Variants in TMEM74 observed in about 807,000 individuals in gnomAD.
The protein encoded by TMEM74 is transmembrane protein 74.
In TMEM74, 13 loss-of-function variants were observed where a neutral mutation model predicts 18.1. The observed-to-expected ratio is 0.72, with a 90% confidence interval of 0.47 to 1.14. The LOEUF (loss-of-function observed/expected upper bound fraction) is 1.14, where lower values mean the gene tolerates loss of function less well. TMEM74 is among the 50% of genes most tolerant of loss of function. The pLI is 0.00. For missense variants in TMEM74, 372 were observed against 375.9 expected, an observed-to-expected ratio of 0.99 and a Z score of 0.09; for synonymous variants, 159 against 146.6, an observed-to-expected ratio of 1.08 and a Z score of -0.61.
At chr8:108,769,338 A>G (rs370118011) in intron 1 of TMEM74, among the ~76,000 whole-genome samples, 1 of 151,982 alleles carries the variant, frequency 6.6e-6, no homozygotes, top group Admixed American at 6.6e-5. Context: ...CACACACACA[A>G]AAAAAGTCAC....
chr8:108,649,601 C>T (rs1812752907), intron 2 of TMEM74, among the ~76,000 whole-genome samples: 1 of 152,106 alleles, frequency 6.6e-6, no homozygotes, highest in Non-Finnish European at 1.5e-5. Flanking sequence ...TTTGCCATTA[C>T]TTTCAAAGGC....
chr8:108,701,987 C>T (rs1813340116), intron 1 of TMEM74, among the ~76,000 whole-genome samples: 1 of 152,050 alleles, frequency 6.6e-6, no homozygotes, highest in South Asian at 2.1e-4. Context: ...GTTAACACTA[C>T]CCAACATTAA....
chr8:108,690,393 T>G (rs1026476280), intron 1 of TMEM74, among the ~76,000 whole-genome samples: 1 of 152,174 alleles, frequency 6.6e-6, no homozygotes, highest in African/African-American at 2.4e-5. Context: ...TTGTTTGTTT[T>G]TTTTTAGTCC....
chr8:108,680,431 A>G (rs1475488896), intron 1 of TMEM74, among the ~76,000 whole-genome samples: 1 of 152,224 alleles, frequency 6.6e-6, no homozygotes, highest in Admixed American at 6.5e-5. Flanking sequence ...GATTATCTCA[A>G]TAGATGCAGA....
rs61334796 is a variant in TMEM74, at chr8:108,765,407, C to CTTTTTTTTT, written n.119+22060_119+22068dup. Among the ~76,000 whole-genome samples the CTTTTTTTTT allele has an allele frequency of 3.8e-4, 46 of 120,710 alleles. 5 individuals carry two copies. The highest frequency in any genetic ancestry group is 1.5e-3 in the East Asian group (6 of 3,944). 79.2% of individuals were successfully genotyped at this position (120,710 alleles called of 152,430 possible). On this transcript the variant is annotated intron_variant and non_coding_transcript_variant, in intron 1 of 3. Coordinates refer to the TMEM74 transcript ENST00000518838. ...CTAAGGTCTTAGCAGTTTGGAACTA[C>CTTTTTTTTT]TTTTTTTTTTTTTTTTTTAGATGGA...
intron 2 of TMEM74, among the ~76,000 whole-genome samples, chr8:108,614,312 A>G (rs1330866582): frequency 6.6e-6 from 1 of 151,974 alleles, no homozygotes; most frequent in Non-Finnish European, 1.5e-5. Context: ...TTAAATCAAT[A>G]TTTTCTTCTT....
intron 3 of TMEM74, chr8:108,607,887 A>G (rs1812291938): frequency 6.6e-6 from 1 of 152,318 alleles, no homozygotes; most frequent in African/African-American, 2.4e-5. Context: ...AATTGAATAA[A>G]ATATTCTAGT....
intron 1 of TMEM74, among the ~76,000 whole-genome samples, chr8:108,680,037 C>T (rs572727322): frequency 6.6e-6 from 1 of 152,226 alleles, no homozygotes; most frequent in East Asian, 1.9e-4. Context: ...GAAATTGTGG[C>T]AATAATCAAT....
intron 2 of TMEM74, among the ~76,000 whole-genome samples, chr8:108,609,380 G>A (rs1323154263): frequency 6.6e-6 from 1 of 152,188 alleles, no homozygotes; most frequent in African/African-American, 2.4e-5. Flanking sequence ...GGGTGTGGTG[G>A]CTCACACCTG....
At chr8:108,746,934 CT>C (rs1434655430) in intron 1 of TMEM74, among the ~76,000 whole-genome samples, 4 of 152,100 alleles carry the variant, frequency 2.6e-5, no homozygotes, top group Non-Finnish European at 5.9e-5. Flanking sequence ...TCTCTTCCAT[CT>C]GGTTGTTCCT....
chr8:108,784,783 C>T lies in TMEM74; in HGVS notation c.316G>A (p.Glu106Lys), dbSNP rs1347318290. ...ERKVCNCCSQELETSFTYVDK... is the reference protein window; with the variant it reads ...ERKVCNCCSQKLETSFTYVDK... ...ACATAGGTAAAAGAAGTTTCTAATT[C>T]CTGGCTGCAGCAGTTACAGACTTTC... The change falls in exon 2 of 2, where the codon GAA (glutamate) becomes AAA (lysine). Residue 106 changes from glutamate (E) to lysine (K), a missense_variant. By Grantham distance (56) the Glu-to-Lys change is moderately conservative. Transcript: ENST00000297459. 6.2e-7 allele frequency: 1 copy of T among 1,614,166 alleles called. No homozygotes were observed. The highest frequency in any genetic ancestry group is 8.5e-7 in the Non-Finnish European group (1 of 1,180,022).
chr8:108,637,833 G>A (rs2130558914), intron 2 of TMEM74, among the ~76,000 whole-genome samples: 1 of 152,210 alleles, frequency 6.6e-6, no homozygotes, highest in Non-Finnish European at 1.5e-5. Context: ...CAATATTTCA[G>A]GGTAAGAAAC....
intron 2 of TMEM74, among the ~76,000 whole-genome samples, chr8:108,644,780 G>A (rs1416405298): frequency 6.6e-6 from 1 of 152,118 alleles, no homozygotes; most frequent in Non-Finnish European, 1.5e-5. Context: ...TTAGAGAAAT[G>A]TAAGTCAAAA....
chr8:108,684,680 T>C (rs1307001978), intron 1 of TMEM74, among the ~76,000 whole-genome samples: 1 of 139,644 alleles, frequency 7.2e-6, no homozygotes, highest in African/African-American at 2.7e-5. Flanking sequence ...ATTTACCCTA[T>C]GTTTTTCTAA....
rs1814296241 is a variant in TMEM74, at chr8:108,780,813, G to T, written c.*3368C>A. The stretch of plus-strand genomic sequence containing the variant: ...AACTATAAATCACCTACACAGTGGG[G>T]AGCATGACGAAAAGCTGTTCTTTAT... On this transcript the variant is annotated 3_prime_UTR_variant, in exon 2 of 2. Transcript: ENST00000297459. 6.6e-6 allele frequency among the ~76,000 whole-genome samples: 1 copy of T among 152,098 alleles called. No homozygotes were observed. The highest frequency in any genetic ancestry group is 1.5e-5 in the Non-Finnish European group (1 of 68,000).
At chr8:108,741,719 A>C (rs575724843) in intron 1 of TMEM74, among the ~76,000 whole-genome samples, 1 of 152,226 alleles carries the variant, frequency 6.6e-6, no homozygotes, top group Non-Finnish European at 1.5e-5. Flanking sequence ...AGAAGAGGAC[A>C]TGTGGAAACT....
chr8:108,653,801 C>G (rs2130573717), intron 2 of TMEM74, among the ~76,000 whole-genome samples: 1 of 152,098 alleles, frequency 6.6e-6, no homozygotes, highest in African/African-American at 2.4e-5. Context: ...TGCAAATATC[C>G]TTTTTCTGAA....
chr8:108,677,621 TTGAC>T, intron 1 of TMEM74, among the ~76,000 whole-genome samples: 1 of 151,942 alleles, frequency 6.6e-6, no homozygotes, highest in South Asian at 2.1e-4. Context: ...TGCCTCAAAC[TTGAC>T]TGTTTTCCAG....
chr8:108,756,650 G>GGGAA (rs1554577393), intron 1 of TMEM74, among the ~76,000 whole-genome samples: 1 of 27,082 alleles, frequency 3.7e-5, no homozygotes, highest in East Asian at 1.4e-3. Flanking sequence ...AAGAAAGAAA[G>GGGAA]AGAAAGAAAG....
Sources: allele counts gnomAD v4.1 joint callset (sites outside exome capture counted in the v4.1 genomes callset), GRCh38; gene constraint gnomAD v4.1.1; transcripts MANE v1.5; gene names NCBI Gene and HGNC (gene_info 2026-07-23, HGNC 2026-07-21).